DNAAF1: variants seen among roughly 807,000 people sequenced by gnomAD.
DNAAF1 encodes the protein dynein assembly factor 1, axonemal.
Under a neutral mutation model 71.1 loss-of-function variants are expected in DNAAF1, and 65 were observed. The ratio of observed to expected loss-of-function variants is 0.91; its 90% confidence interval spans 0.75 to 1.12. The LOEUF (loss-of-function observed/expected upper bound fraction) is 1.12. Ranked by LOEUF, DNAAF1 falls within the 50% of genes most tolerant of loss-of-function variation. The pLI is 0.00. For missense variants in DNAAF1, 1,178 were observed against 899.8 expected (o/e 1.31, Z -3.96); for synonymous variants, 414 against 354.6 (o/e 1.17, Z -1.88).
chr16:84,157,777 G>A (rs937977649), intron 5 of DNAAF1, among the ~76,000 whole-genome samples: 2 of 152,130 alleles, frequency 1.3e-5, no homozygotes, highest in Non-Finnish European at 2.9e-5. Flanking sequence ...TCTGTAGTGT[G>A]TACTATCAAA....
chr16:84,152,974 A>G (rs1403931558), intron 3 of DNAAF1, among the ~76,000 whole-genome samples: 2 of 151,200 alleles, frequency 1.3e-5, no homozygotes, highest in Non-Finnish European at 2.9e-5. Flanking sequence ...AAAAAAAGTG[A>G]CTTAAGAGAC....
chr16:84,157,992 G>A (rs1007925086), intron 5 of DNAAF1, among the ~76,000 whole-genome samples: 3 of 152,132 alleles, frequency 2.0e-5, no homozygotes, highest in African/African-American at 4.8e-5. Flanking sequence ...CAGATCACGA[G>A]GTCGGGAGAT....
rs770885929 is a variant in DNAAF1 at position 84,145,532 on chromosome 16, A to G, written c.92A>G (p.His31Arg). ...EPGVEESAGD[H>R]GSAGRGGCKE... is the part of the protein sequence containing the mutation. The stretch of plus-strand genomic sequence containing the variant: ...GGCGTGGAGGAGTCTGCGGGTGACC[A>G]CGGGAGCGCAGGCCGAGGGGGCTGC... The change falls in exon 1 of 12, where the codon CAC becomes CGC. Residue 31 changes from histidine to arginine, a missense_variant. His to Arg is a conservative substitution (Grantham distance 29, BLOSUM62 0). Transcript: ENST00000378553. The G allele has an allele frequency of 1.9e-6, 3 of 1,553,126 alleles. No homozygotes were observed. The highest frequency in any genetic ancestry group is 2.7e-5 in the African/African-American group (2 of 73,560).
Position 84,145,526 on chromosome 16 carries a change from G to C in DNAAF1, c.86G>C (p.Gly29Ala). ...AQEPGVEESAGDHGSAGRGGC... is the reference protein window; with the variant it reads ...AQEPGVEESAADHGSAGRGGC... ...GAGCCCGGCGTGGAGGAGTCTGCGGGTGACCACGGGAGCGCAGGCCGAGGG... is the reference window on the plus strand; with the variant it reads ...GAGCCCGGCGTGGAGGAGTCTGCGGCTGACCACGGGAGCGCAGGCCGAGGG... The change falls in exon 1 of 12, where the codon GGT becomes GCT. Residue 29 changes from glycine (G) to alanine (A), a missense_variant. Gly to Ala is a moderately conservative substitution (Grantham distance 60). Transcript: ENST00000378553. The C allele has an allele frequency of 2.6e-6, 4 of 1,555,392 alleles. No individual in the cohort carries two copies. Among genetic ancestry groups the C allele is most frequent in the Non-Finnish European group, 3.5e-6 (4 of 1,149,478 alleles).
chr16:84,161,113 A>AG (rs1425965221), intron 6 of DNAAF1, among the ~76,000 whole-genome samples: 2 of 151,888 alleles, frequency 1.3e-5, no homozygotes, highest in African/African-American at 4.8e-5. Context: ...CCCTTGGGGG[A>AG]GCTCCCTCAC....
chr16:84,161,395 C>G (rs1279294544), intron 6 of DNAAF1, among the ~76,000 whole-genome samples: 1 of 152,118 alleles, frequency 6.6e-6, no homozygotes, highest in Non-Finnish European at 1.5e-5. Context: ...TGGCTTGAGT[C>G]TCTTTTTAGA....
chr16:84,172,937 T>A, intron 9 of DNAAF1: 1 of 1,008,180 alleles, frequency 9.9e-7, no homozygotes, highest in East Asian at 9.4e-5. Flanking sequence ...CTTCCCATTT[T>A]GTTGACAGTC....
Position 84,145,486 on chromosome 16 carries a change from C to G in DNAAF1, c.46C>G (p.Leu16Val), listed in dbSNP as rs545356113. Residue 16 changes from leucine (L) to valine (V), a missense_variant, in exon 1 of 12, where the codon CTG becomes GTG. Coordinates refer to ENST00000378553, the MANE Select transcript of DNAAF1 (RefSeq NM_178452.6). ...GCCTGCGACAGGTGGTGCAGCAGAG[C>G]TGGATTGCGCGCAGGAGCCCGGCGT... ...SEPATGGAAELDCAQEPGVEE... is the reference protein window; with the variant it reads ...SEPATGGAAEVDCAQEPGVEE... 6.4e-6 allele frequency: 10 copies of G among 1,573,756 alleles called. No individual in the cohort carries two copies. The Admixed American group carries it at 1.3e-4, about 21-fold the overall frequency.
chr16:84,147,359 C>G (rs1006082169), intron 1 of DNAAF1, among the ~76,000 whole-genome samples: 1 of 152,206 alleles, frequency 6.6e-6, no homozygotes, highest in Non-Finnish European at 1.5e-5. Flanking sequence ...CACACAAACA[C>G]AGAAAGCAGC....
Position 84,159,629 on chromosome 16 carries a change from A to G in DNAAF1, c.742-46A>G, listed in dbSNP as rs369168841. On this transcript the variant is annotated intron_variant, in intron 5 of 11. Transcript: ENST00000378553. ...TGCACAGCACATATAAAATAATTCA[A>G]TCGCATCTTTCAGTAATCATTTTGG... The G allele has an allele frequency of 1.3e-5, 20 of 1,570,746 alleles. No individual in the cohort carries two copies. The Middle Eastern group carries it at 5.0e-4, about 39-fold the overall frequency.
intron 3 of DNAAF1, among the ~76,000 whole-genome samples, chr16:84,153,147 G>T (rs201503824): frequency 6.7e-6 from 1 of 149,416 alleles, no homozygotes; most frequent in East Asian, 2.0e-4. Context: ...CTATCTTAAA[G>T]AAAAAAAAAA....
intron 2 of DNAAF1, among the ~76,000 whole-genome samples, chr16:84,149,813 T>G (rs1213469533): frequency 6.6e-6 from 1 of 151,498 alleles, no homozygotes; most frequent in Non-Finnish European, 1.5e-5. Flanking sequence ...TCACCTGACG[T>G]CAGGAGTTCA....
At position 84,172,362 on chromosome 16, in the gene DNAAF1, C is replaced by T. The variant is rs200046262; in HGVS notation, c.1631C>T (p.Thr544Ile). The T allele has an allele frequency of 2.0e-5, 32 of 1,613,798 alleles. No individual in the cohort carries two copies. The highest frequency in any genetic ancestry group is 2.6e-5 in the Non-Finnish European group (31 of 1,179,798). Residue 544 changes from threonine (T) to isoleucine (I), a missense_variant, in exon 9 of 12, where the codon ACA (threonine) becomes ATA (isoleucine). Coordinates refer to ENST00000378553, the MANE Select transcript of DNAAF1 (RefSeq NM_178452.6). Reference protein sequence around the residue: ...LETIRLETKETFCIDDLPDLE... With the variant: ...LETIRLETKEIFCIDDLPDLE... ...ACCATTAGACTGGAGACAAAGGAGA[C>T]ATTCTGCATTGATGTACATGAAGTA...
intron 9 of DNAAF1, chr16:84,174,081 C>G (rs1597489456): frequency 5.6e-6 from 3 of 534,812 alleles, no homozygotes; most frequent in Non-Finnish European, 7.2e-6. Flanking sequence ...AAATGAGAAA[C>G]AGAGAGGTTA....
At chr16:84,169,752 A>C (rs964097818) in intron 7 of DNAAF1, 107 bp from the exon 8 acceptor site, 8 of 1,512,486 alleles carry the variant, frequency 5.3e-6, no homozygotes, top group Non-Finnish European at 6.4e-6. Context: ...TGTGTTCCTG[A>C]CCTTTTCCCT....
chr16:84,149,702 A>C lies in DNAAF1; in HGVS notation c.261-549A>C, dbSNP rs529438784. 9.3e-5 allele frequency among the ~76,000 whole-genome samples: 14 copies of C among 150,436 alleles called. No homozygotes were observed. The South Asian group carries it at 2.3e-3, about 25-fold the overall frequency. ...TGAGACTCCATCTCAAAAAAAAAAA[A>C]AAAAAAACATACATTGCAATTTTTA... On this transcript the variant is annotated intron_variant, in intron 2 of 11. Coordinates refer to ENST00000378553, the MANE Select transcript of DNAAF1 (RefSeq NM_178452.6).
intron 1 of DNAAF1, among the ~76,000 whole-genome samples, chr16:84,148,764 A>C (rs926847248): frequency 1.3e-4 from 19 of 151,106 alleles, no homozygotes; most frequent in African/African-American, 3.4e-4. Flanking sequence ...ACATCTGGCT[A>C]ATTTTTGTAG....
intron 9 of DNAAF1, 85 bp downstream of exon 9, chr16:84,172,460 C>T (rs910565625): frequency 6.2e-5 from 97 of 1,558,290 alleles, no homozygotes; most frequent in Non-Finnish European, 8.2e-5. Context: ...TGGAGACCCT[C>T]GATACCCCAA....
intron 5 of DNAAF1, among the ~76,000 whole-genome samples, 161 bp downstream of exon 5, chr16:84,155,910 C>T (rs145173259): frequency 6.6e-6 from 1 of 152,198 alleles, no homozygotes; most frequent in African/African-American, 2.4e-5. Flanking sequence ...ATCTGAAATG[C>T]CAGTTATCGT....
Sources: allele counts gnomAD v4.1 joint callset (sites outside exome capture counted in the v4.1 genomes callset), GRCh38; gene constraint gnomAD v4.1.1; transcripts MANE v1.5; gene names NCBI Gene and HGNC (gene_info 2026-07-23, HGNC 2026-07-21).